ZFAND3: variants seen among roughly 807,000 people sequenced by gnomAD.
ZFAND3 encodes the protein zinc finger AN1-type containing 3.
In ZFAND3, 10 loss-of-function variants were observed where a neutral mutation model predicts 29.6. The ratio of observed to expected loss-of-function variants is 0.34; its 90% CI spans 0.21 to 0.57. ZFAND3 has a LOEUF of 0.57. Among genes scored for constraint, ZFAND3 ranks in the 20% least tolerant of loss-of-function variants. The probability of loss-of-function intolerance (pLI) is 0.86; values close to 1 mark genes in which losing one functional copy is unlikely to be tolerated. For missense variants in ZFAND3, 230 were observed against 304.5 expected, an observed-to-expected ratio of 0.76 and a Z score of 1.82; for synonymous variants, 128 against 112.6, an observed-to-expected ratio of 1.14 and a Z score of -0.87.
chr6:38,152,117 G>A (rs1437000192), intron 5 of ZFAND3, 118 bp from the exon 6 acceptor site: 6 of 964,694 alleles, frequency 6.2e-6, no homozygotes, highest in African/African-American at 1.7e-5. Flanking sequence ...CCCCTGCAGT[G>A]AGTGTTGTCC....
At chr6:37,907,761 T>A (rs777474796) in intron 1 of ZFAND3, among the ~76,000 whole-genome samples, 7 of 152,212 alleles carry the variant, frequency 4.6e-5, no homozygotes, top group Non-Finnish European at 8.8e-5. Flanking sequence ...AAGATTGAAG[T>A]AAGTAGTATA....
intron 2 of ZFAND3, among the ~76,000 whole-genome samples, chr6:38,024,098 G>A (rs929572591): frequency 1.3e-5 from 2 of 152,188 alleles, no homozygotes; most frequent in Non-Finnish European, 2.9e-5. Flanking sequence ...ACTGGGTTCA[G>A]TATTCCTTTC....
At chr6:38,144,225 A>ATTTTTT (rs1562016181) in intron 5 of ZFAND3, among the ~76,000 whole-genome samples, 1 of 75,556 alleles carries the variant, frequency 1.3e-5, no homozygotes, top group East Asian at 3.6e-4. Context: ...TATAATATAT[A>ATTTTTT]TATATATTTT....
chr6:37,985,274 G>A (rs547120220), intron 2 of ZFAND3, among the ~76,000 whole-genome samples: 109 of 152,106 alleles, frequency 7.2e-4, no homozygotes, highest in African/African-American at 2.4e-3. Context: ...CCTGGGCAAC[G>A]TAGCAAAATA....
At chr6:38,059,897 A>G (rs1410208872) in intron 2 of ZFAND3, among the ~76,000 whole-genome samples, 1 of 152,164 alleles carries the variant, frequency 6.6e-6, no homozygotes, top group South Asian at 2.1e-4. Context: ...AAAATAATTC[A>G]TTCTCTAATT....
chr6:38,028,920 A>G (rs879638231), intron 2 of ZFAND3, among the ~76,000 whole-genome samples: 1 of 152,136 alleles, frequency 6.6e-6, no homozygotes, highest in Non-Finnish European at 1.5e-5. Context: ...TTTTGCTTGT[A>G]AGAAATTGTT....
intron 2 of ZFAND3, among the ~76,000 whole-genome samples, chr6:37,977,770 G>GT (rs1213067308): frequency 0.034 from 3,691 of 108,778 alleles, 345 homozygotes; most frequent in African/African-American, 0.076. Context: ...GGTTTGCTGA[G>GT]TTTTTTGTTT....
chr6:38,073,818 C>T (rs1027685348), intron 3 of ZFAND3, among the ~76,000 whole-genome samples: 1 of 152,056 alleles, frequency 6.6e-6, no homozygotes, highest in Non-Finnish European at 1.5e-5. Context: ...AACTGCTTAC[C>T]CAGAATCCTT....
At chr6:37,867,709 A>T (rs2127386721) in intron 1 of ZFAND3, among the ~76,000 whole-genome samples, 1 of 152,292 alleles carries the variant, frequency 6.6e-6, no homozygotes, top group Non-Finnish European at 1.5e-5. Flanking sequence ...ATTGCTAGAA[A>T]ATGTTGAGAA....
rs573433462 is a variant in ZFAND3 at position 38,048,151 on chromosome 6, G to A, written c.113-13442G>A. On this transcript the variant is annotated intron_variant, in intron 2 of 5. Coordinates refer to ENST00000287218, the MANE Select transcript of ZFAND3 (RefSeq NM_021943.3). ...CTCCTGAGTAGCTGGGACTACAGGC[G>A]CGCACCATTATGCCTGGCCAATTTT... Among the ~76,000 whole-genome samples, 7 of 151,878 alleles carry A rather than the reference G, an allele frequency of 4.6e-5. No homozygotes were observed. In the East Asian group the frequency reaches 9.8e-4, roughly 21 times the overall value.
At position 38,153,167 on chromosome 6, in the gene ZFAND3, A is replaced by G. The variant is rs939231756; in HGVS notation, c.*778A>G. The G allele has an allele frequency of 1.0e-6, 1 of 985,490 alleles. No individual in the cohort carries two copies. Among genetic ancestry groups the G allele is most frequent in the Non-Finnish European group, 1.2e-6 (1 of 829,954 alleles). The allele number at this position is 985,490 out of a possible 1,614,324, so 61.0% of individuals were successfully genotyped here. ...CGCCGGCTCTGGTCTGCCATTCGCC[A>G]GTGCAGGGATCTGGCACGGACCAGA... On this transcript the variant is annotated 3_prime_UTR_variant, in exon 6 of 6. Transcript: ENST00000287218.
chr6:38,103,438 CGTGT>C (rs1765139141), intron 4 of ZFAND3, among the ~76,000 whole-genome samples: 3 of 69,410 alleles, frequency 4.3e-5, no homozygotes, highest in Admixed American at 2.8e-4. Flanking sequence ...TATATATACA[CGTGT>C]ATATATATAC....
chr6:37,823,938 C>T (rs940139140), intron 1 of ZFAND3, among the ~76,000 whole-genome samples: 2 of 152,016 alleles, frequency 1.3e-5, no homozygotes, highest in African/African-American at 4.8e-5. Context: ...ATTACAGGCA[C>T]GTGCCACCAC....
chr6:38,065,770 A>G, intron 3 of ZFAND3, among the ~76,000 whole-genome samples: 1 of 152,210 alleles, frequency 6.6e-6, no homozygotes, highest in Non-Finnish European at 1.5e-5. Context: ...TGAAAATGCT[A>G]CCGAGGCTGT....
rs149022129 is a variant in ZFAND3 at position 38,066,245 on chromosome 6, T to C, written c.295+4470T>C. Among the ~76,000 whole-genome samples, 88 of 152,254 alleles carry C rather than the reference T, an allele frequency of 5.8e-4. 1 individual carries two copies. In the East Asian group the frequency reaches 0.013, roughly 23 times the overall value. On this transcript the variant is annotated intron_variant, in intron 3 of 5. Coordinates refer to ENST00000287218, the MANE Select transcript of ZFAND3 (RefSeq NM_021943.3). ...GCTGTCAGGGTGGATGCTTTAAAAA[T>C]CAATGGGAGATAAAGTGATTGCCTA...
intron 2 of ZFAND3, among the ~76,000 whole-genome samples, chr6:37,967,854 C>G (rs1005649287): frequency 2.0e-5 from 3 of 152,184 alleles, no homozygotes; most frequent in Non-Finnish European, 4.4e-5. Flanking sequence ...ATTCCAGACA[C>G]TTCCCCTTTT....
At chr6:38,104,239 A>G (rs984613727) in intron 4 of ZFAND3, among the ~76,000 whole-genome samples, 6 of 152,150 alleles carry the variant, frequency 3.9e-5, no homozygotes, top group Admixed American at 3.3e-4. Context: ...CAGTTTTTCA[A>G]TGAACCCATC....
At chr6:37,950,449 C>T (rs1031739629) in intron 2 of ZFAND3, among the ~76,000 whole-genome samples, 2 of 151,606 alleles carry the variant, frequency 1.3e-5, no homozygotes, top group African/African-American at 4.8e-5. Flanking sequence ...GCAAACTTGG[C>T]TCACTGCAAC....
intron 3 of ZFAND3, among the ~76,000 whole-genome samples, chr6:38,077,139 T>A (rs77474124): frequency 6.6e-6 from 1 of 150,668 alleles, no homozygotes; most frequent in African/African-American, 2.4e-5. Flanking sequence ...TTAAGAGGAA[T>A]CCTCATCAAG....
Sources: gnomAD v4.1 joint callset for allele counts (sites outside exome capture counted in the v4.1 genomes callset) on GRCh38, gnomAD v4.1.1 for gene constraint, MANE v1.5 for transcripts, NCBI Gene and HGNC (gene_info 2026-07-23, HGNC 2026-07-21) for gene names.